USH2A: variants seen among roughly 807,000 people sequenced by gnomAD.
The protein encoded by USH2A is usherin.
USH2A carries 443 observed loss-of-function variants against 538.9 expected under a neutral mutation model. The observed-to-expected ratio is 0.82, with a 90% CI of 0.76 to 0.89. The LOEUF (loss-of-function observed/expected upper bound fraction) is 0.89, where lower values mean the gene tolerates loss of function less well. USH2A is among the 40% of genes least tolerant of loss of function. The probability of loss-of-function intolerance (pLI) is 0.00; values close to 1 mark genes in which losing one functional copy is unlikely to be tolerated. For synonymous variants in USH2A, 2,413 were observed against 2,273.5 expected, an observed-to-expected ratio of 1.06 and a Z score of -1.75; for missense variants, 6,633 against 6,324.8, an observed-to-expected ratio of 1.05 and a Z score of -1.65.
chr1:216,153,521 C>T (rs900614739), intron 21 of USH2A, among the ~76,000 whole-genome samples: 46 of 152,178 alleles, frequency 3.0e-4, no homozygotes, highest in African/African-American at 1.1e-3. Context: ...CAACAGAGAT[C>T]CAGTGTTAGT....
At chr1:216,352,379 A>G (rs2038304459) in intron 4 of USH2A, among the ~76,000 whole-genome samples, 1 of 152,144 alleles carries the variant, frequency 6.6e-6, no homozygotes, top group Non-Finnish European at 1.5e-5. Flanking sequence ...GGAGCGATCA[A>G]CTCCATTAAA....
chr1:215,969,049 G>C (rs777631446), intron 36 of USH2A, among the ~76,000 whole-genome samples: 4 of 152,124 alleles, frequency 2.6e-5, no homozygotes, highest in Non-Finnish European at 5.9e-5. Context: ...ACTCAGATAT[G>C]GAATCACTTA....
chr1:216,023,467 A>AAAAAAAAAAAAAAAAAAAAAAAAAAT, intron 32 of USH2A, among the ~76,000 whole-genome samples: 2 of 145,028 alleles, frequency 1.4e-5, no homozygotes, highest in Non-Finnish European at 1.5e-5. Flanking sequence ...GACAAAAAAA[A>AAAAAAAAAAAAAAAAAAAAAAAAAAT]AAAAAAAAAA....
chr1:216,255,676 A>G (rs1461807698), intron 11 of USH2A, among the ~76,000 whole-genome samples: 1 of 152,138 alleles, frequency 6.6e-6, no homozygotes, highest in Non-Finnish European at 1.5e-5. Flanking sequence ...TGTTTTGTGT[A>G]GGCCTGAAAA....
intron 58 of USH2A, among the ~76,000 whole-genome samples, 154 bp from the exon 59 acceptor site, chr1:215,743,489 A>T (rs1249055328): frequency 1.2e-4 from 18 of 147,432 alleles, no homozygotes; most frequent in African/African-American, 4.5e-4. Flanking sequence ...AATAAAACAG[A>T]ATGGGCAACA....
intron 3 of USH2A, among the ~76,000 whole-genome samples, chr1:216,409,751 C>T (rs923677776): frequency 2.6e-5 from 4 of 151,984 alleles, no homozygotes; most frequent in Non-Finnish European, 5.9e-5. Context: ...AAGACTTAAA[C>T]GTAAAACCCA....
chr1:216,398,404 C>G (rs1397857087), intron 3 of USH2A, among the ~76,000 whole-genome samples: 1 of 152,102 alleles, frequency 6.6e-6, no homozygotes, highest in Admixed American at 6.5e-5. Context: ...CAGGCACAGA[C>G]AAAATAAGCT....
Position 215,674,669 on chromosome 1 carries a change from G to A in USH2A, c.13242C>T (p.Tyr4414=). The change falls in exon 63 of 72, where the codon TAC becomes TAT. Residue 4414 remains tyrosine (Y), a synonymous_variant. Coordinates refer to ENST00000307340, the MANE Select transcript of USH2A (RefSeq NM_206933.4). The part of the protein sequence containing the change: ...LCLLVSHLQP[Y]SQYNFSLVAC... ...CTACAAGGGAGAAGTTATACTGAGAGTAAGGCTGCAGGTGGGAAACCAGCA... is the reference window on the plus strand; with the variant it reads ...CTACAAGGGAGAAGTTATACTGAGAATAAGGCTGCAGGTGGGAAACCAGCA... The A allele has an allele frequency of 6.2e-7, 1 of 1,614,142 alleles. No individual in the cohort carries two copies. The highest frequency in any genetic ancestry group is 1.1e-5 in the South Asian group (1 of 91,074).
intron 21 of USH2A, among the ~76,000 whole-genome samples, chr1:216,149,093 C>G (rs556702148): frequency 6.6e-6 from 1 of 151,946 alleles, no homozygotes; most frequent in African/African-American, 2.4e-5. Context: ...ATGGTTAGCA[C>G]GGTCAGAATT....
At chr1:216,212,564 G>T (rs2035262572) in intron 15 of USH2A, among the ~76,000 whole-genome samples, 1 of 151,928 alleles carries the variant, frequency 6.6e-6, no homozygotes, top group Non-Finnish European at 1.5e-5. Flanking sequence ...TTGGAACTTT[G>T]GTAGTTGTAT....
intron 21 of USH2A, among the ~76,000 whole-genome samples, chr1:216,162,654 G>A (rs552096439): frequency 3.1e-4 from 47 of 152,190 alleles, no homozygotes; most frequent in Non-Finnish European, 5.4e-4. Context: ...TTATCTCAAT[G>A]TTCCTAAAGA....
At chr1:215,721,068 TTTG>T (rs112361475) in intron 61 of USH2A, among the ~76,000 whole-genome samples, 81 of 151,810 alleles carry the variant, frequency 5.3e-4, no homozygotes, top group African/African-American at 1.6e-3. Context: ...GACTGGAGTT[TTTG>T]TTGTTGTTGT....
At chr1:216,008,899 G>A (rs754542308) in intron 32 of USH2A, among the ~76,000 whole-genome samples, 4 of 152,042 alleles carry the variant, frequency 2.6e-5, no homozygotes, top group Non-Finnish European at 5.9e-5. Context: ...TTCCCTTGGT[G>A]TTTAATCATT....
In USH2A at chr1:216,199,994, T is replaced by C. The variant is rs765009219; in HGVS notation, c.3444A>G (p.Pro1148=). The C allele has an allele frequency of 1.2e-6, 2 of 1,614,134 alleles. No homozygotes were observed. The highest frequency in any genetic ancestry group is 2.2e-5 in the East Asian group (1 of 44,854). ...TATAACTTAAAGTCAAGTTTCCCTC[T>C]GGGACCCCTGGTTTTGTCTTGTAAG... ...AVTYKTKPGV[P]EGNLTLSYII... The change falls in exon 17 of 72, where the codon CCA becomes CCG. Residue 1148 remains proline, a synonymous_variant. Coordinates refer to ENST00000307340, the MANE Select transcript of USH2A (RefSeq NM_206933.4).
At chr1:215,993,916 G>A (rs1668071600) in intron 34 of USH2A, among the ~76,000 whole-genome samples, 1 of 152,056 alleles carries the variant, frequency 6.6e-6, no homozygotes, top group Admixed American at 6.6e-5. Context: ...AAACTTCCGT[G>A]TGCAATTTCA....
In USH2A at chr1:216,089,070, T is replaced by C. The variant is rs1290492076; in HGVS notation, c.4828A>G (p.Ile1610Val). 7 of 1,613,466 alleles carry C rather than the reference T, an allele frequency of 4.3e-6. No homozygotes were observed. Among genetic ancestry groups the C allele is most frequent in the Admixed American group, 1.7e-5 (1 of 59,978 alleles). Residue 1610 changes from isoleucine (I) to valine (V), a missense_variant, in exon 23 of 72, where the codon ATA (isoleucine) becomes GTA (valine). Ile to Val is a conservative substitution (Grantham distance 29). Coordinates refer to ENST00000307340, the MANE Select transcript of USH2A (RefSeq NM_206933.4). ...AAAGCCTGATGCCTAATAGCAATTA[T>C]TTCATGCCATTTTCCATCACTATAT... ...KQYSDGKWHEIIAIRHQAFGQ... is the reference protein window; with the variant it reads ...KQYSDGKWHEVIAIRHQAFGQ...
At chr1:216,342,189 A>G (rs2038089132) in intron 4 of USH2A, among the ~76,000 whole-genome samples, 1 of 152,210 alleles carries the variant, frequency 6.6e-6, no homozygotes, top group Non-Finnish European at 1.5e-5. Context: ...AAAGGATATG[A>G]ACAGACACTT....
chr1:216,130,869 G>T (rs1026037964), intron 21 of USH2A, among the ~76,000 whole-genome samples: 1 of 151,536 alleles, frequency 6.6e-6, no homozygotes, highest in Non-Finnish European at 1.5e-5. Flanking sequence ...TTTTAGTTCT[G>T]TAAGGAATCT....
rs565136425 is a variant in USH2A, at chr1:216,138,781, A to T, written c.4627+36471T>A. 3.3e-5 allele frequency among the ~76,000 whole-genome samples: 5 copies of T among 152,308 alleles called. No homozygotes were observed. In the East Asian group the frequency reaches 7.7e-4, roughly 24 times the overall value. Reference sequence around the variant, plus strand: ...GGGCATGCAGTTATCTCCCAGAAAGATTTCAGGAAGACAACTCAAGTCTGC... The same window carrying T: ...GGGCATGCAGTTATCTCCCAGAAAGTTTTCAGGAAGACAACTCAAGTCTGC... On this transcript the variant is annotated intron_variant, in intron 21 of 71. Coordinates refer to ENST00000307340, the MANE Select transcript of USH2A (RefSeq NM_206933.4).
Sources: allele counts gnomAD v4.1 joint callset (sites outside exome capture counted in the v4.1 genomes callset), GRCh38; gene constraint gnomAD v4.1.1; transcripts MANE v1.5; gene names NCBI Gene and HGNC (gene_info 2026-07-23, HGNC 2026-07-21).